The following SAMD8 variants were observed in gnomAD, a reference collection of about 807,000 sequenced individuals.
SAMD8 encodes the protein sphingomyelin synthase-related protein 1.
Under a neutral mutation model 42.0 loss-of-function variants are expected in SAMD8, and 20 were observed. That is an observed-to-expected ratio of 0.48 (90% confidence interval 0.34 to 0.69). SAMD8 has a LOEUF of 0.69. SAMD8 is among the 30% of genes least tolerant of loss of function. SAMD8 has a pLI of 0.01. For synonymous variants in SAMD8, 162 were observed against 173.0 expected, an observed-to-expected ratio of 0.94 and a Z score of 0.50; for missense variants, 328 against 511.6, an observed-to-expected ratio of 0.64 and a Z score of 3.46.
chr10:75,145,523 G>A (rs1469433951), intron 1 of SAMD8, among the ~76,000 whole-genome samples: 1 of 152,174 alleles, frequency 6.6e-6, no homozygotes, highest in Non-Finnish European at 1.5e-5. Flanking sequence ...TTTGTGGGAT[G>A]CTGTTCAACT....
chr10:75,168,973 C>G (rs987401335), intron 4 of SAMD8, among the ~76,000 whole-genome samples: 1 of 150,284 alleles, frequency 6.7e-6, no homozygotes, highest in Non-Finnish European at 1.5e-5. Flanking sequence ...AAGTTCAAGA[C>G]CAGCTGGGCC....
chr10:75,137,678 A>G (rs1209849140), intron 1 of SAMD8, among the ~76,000 whole-genome samples: 1 of 152,190 alleles, frequency 6.6e-6, no homozygotes, highest in Non-Finnish European at 1.5e-5. Flanking sequence ...GAAATTCATA[A>G]CAACAGAATA....
chr10:75,123,149 T>G (rs960976368), intron 1 of SAMD8, among the ~76,000 whole-genome samples: 15 of 147,006 alleles, frequency 1.0e-4, no homozygotes, highest in Admixed American at 2.8e-4. Flanking sequence ...TCATGCTTGC[T>G]TCCCACCCCA....
chr10:75,154,947 T>C (rs1014530201), intron 2 of SAMD8, among the ~76,000 whole-genome samples: 2 of 152,110 alleles, frequency 1.3e-5, no homozygotes, highest in Non-Finnish European at 2.9e-5. Flanking sequence ...GGCTGGAGTT[T>C]AGTGGTGCAT....
chr10:75,125,039 C>T lies in SAMD8; in HGVS notation c.-16+13317C>T, dbSNP rs560158023. Among the ~76,000 whole-genome samples, 5 of 152,194 alleles carry T rather than the reference C, an allele frequency of 3.3e-5. No individual in the cohort carries two copies. The South Asian group carries it at 1.0e-3, about 32-fold the overall frequency. On this transcript the variant is annotated intron_variant, in intron 1 of 5. Transcript: ENST00000542569. Reference sequence around the variant, plus strand: ...TGGCCTCAAGTGATCCTCCCGCCTCCAGCTACCAGAGTGCTAGGATTATAG... The same window carrying T: ...TGGCCTCAAGTGATCCTCCCGCCTCTAGCTACCAGAGTGCTAGGATTATAG...
Position 75,145,749 on chromosome 10 carries a change from A to G in SAMD8, c.-15-4765A>G, listed in dbSNP as rs74146291. On this transcript the variant is annotated intron_variant, in intron 1 of 5. Coordinates refer to ENST00000542569, the MANE Select transcript of SAMD8 (RefSeq NM_001174156.2). Reference sequence around the variant, plus strand: ...GTAACAACCAAAAATGTCTTCAGACATTGCCAAATGTTCCAGGAAGTGGGG... The same window carrying G: ...GTAACAACCAAAAATGTCTTCAGACGTTGCCAAATGTTCCAGGAAGTGGGG... 9.3e-3 allele frequency among the ~76,000 whole-genome samples: 1,415 copies of G among 152,306 alleles called. 18 individuals are homozygous for G. Among genetic ancestry groups the G allele is most frequent in the African/African-American group, 0.032 (1,318 of 41,560 alleles).
Position 75,176,186 on chromosome 10 carries a change from C to G in SAMD8, c.913C>G (p.Leu305Val). The G allele has an allele frequency of 6.2e-7, 1 of 1,614,164 alleles. No individual in the cohort carries two copies. The highest frequency in any genetic ancestry group is 1.1e-5 in the South Asian group (1 of 91,084). ...CATGTTTAGTGGCCACACAGTCGTC[C>G]TAACTATGCTGAATTTCTTTGTCAC... ...DYMFSGHTVV[L>V]TMLNFFVTEY... is the part of the protein sequence containing the mutation. The change falls in exon 5 of 6, where the codon CTA becomes GTA. Residue 305 changes from leucine to valine, a missense_variant. By Grantham distance (32) the Leu-to-Val change is conservative. This residue lies in a region of SAMD8 where 178 missense variants were observed against 325.6 expected (regional missense o/e 0.55). Coordinates refer to ENST00000542569, the MANE Select transcript of SAMD8 (RefSeq NM_001174156.2). This position sits in a 1 kb window ranked among gnomAD's most constrained non-coding sequence, Gnocchi z 4.3.
At chr10:75,100,874 G>C (rs575263467) in intron 1 of SAMD8, among the ~76,000 whole-genome samples, 1 of 152,356 alleles carries the variant, frequency 6.6e-6, no homozygotes, top group East Asian at 1.9e-4. Flanking sequence ...CTCCCATGAC[G>C]CTGCTCTGTG....
In SAMD8 at chr10:75,111,674, G is replaced by A. The variant is rs372691419; in HGVS notation, c.-64G>A. The A allele has an allele frequency of 7.3e-6, 9 of 1,239,326 alleles. No homozygotes were observed. Among genetic ancestry groups the A allele is most frequent in the Non-Finnish European group, 8.1e-6 (8 of 991,990 alleles). 76.8% of individuals were successfully genotyped at this position (1,239,326 alleles called of 1,614,324 possible). A position where few individuals can be genotyped will look rare whatever the true frequency, so the allele number is the denominator to read the frequency against. Reference sequence around the variant, plus strand: ...GGGCCCCGGACTCCGACGGCGGCTCGGACGCCGACTCGGAGGTGGGTCCGG... The same window carrying A: ...GGGCCCCGGACTCCGACGGCGGCTCAGACGCCGACTCGGAGGTGGGTCCGG... On this transcript the variant is annotated 5_prime_UTR_variant, in exon 1 of 6. Coordinates refer to ENST00000542569, the MANE Select transcript of SAMD8 (RefSeq NM_001174156.2).
intron 2 of SAMD8, among the ~76,000 whole-genome samples, chr10:75,160,223 G>C (rs1840524455): frequency 6.6e-6 from 1 of 151,918 alleles, no homozygotes; most frequent in East Asian, 1.9e-4. Flanking sequence ...TTGAGACAGA[G>C]TCTTGCTCTG....
intron 1 of SAMD8, among the ~76,000 whole-genome samples, chr10:75,140,857 C>T (rs1001668900): frequency 1.3e-5 from 2 of 152,144 alleles, no homozygotes; most frequent in African/African-American, 4.8e-5. Flanking sequence ...GTCCTCTTAA[C>T]AGTATTGATT....
intron 1 of SAMD8, among the ~76,000 whole-genome samples, chr10:75,123,275 T>C (rs771321457): frequency 2.6e-5 from 4 of 151,358 alleles, no homozygotes; most frequent in African/African-American, 4.9e-5. Context: ...ACCTCCGATA[T>C]ACCACTGAGT....
intron 1 of SAMD8, among the ~76,000 whole-genome samples, chr10:75,116,391 T>C (rs1348350623): frequency 6.6e-6 from 1 of 151,870 alleles, no homozygotes; most frequent in Non-Finnish European, 1.5e-5. Context: ...CAGGTGTGAG[T>C]GTCTTAAATT....
intron 1 of SAMD8, among the ~76,000 whole-genome samples, chr10:75,112,243 T>C (rs1208651257): frequency 6.6e-6 from 1 of 152,116 alleles, no homozygotes; most frequent in African/African-American, 2.4e-5. Context: ...CTGGTGGTGA[T>C]GGAGGGCAGG....
intron 3 of SAMD8, among the ~76,000 whole-genome samples, 175 bp downstream of exon 3, chr10:75,164,915 C>CT (rs1205022088): frequency 1.3e-5 from 2 of 152,198 alleles, no homozygotes; most frequent in Non-Finnish European, 2.9e-5. Flanking sequence ...AAGATAATAT[C>CT]TACATATTTA....
chr10:75,164,442 A>C, intron 2 of SAMD8: 3 of 907,934 alleles, frequency 3.3e-6, no homozygotes, highest in Non-Finnish European at 3.9e-6. Flanking sequence ...CTGGGAATCA[A>C]TGGACAAGAA....
At chr10:75,173,150 T>C (rs891598717) in intron 4 of SAMD8, among the ~76,000 whole-genome samples, 7 of 152,210 alleles carry the variant, frequency 4.6e-5, no homozygotes, top group African/African-American at 1.7e-4. Context: ...GTTGGTTATA[T>C]ATAGATATTT....
intron 1 of SAMD8, chr10:75,103,878 G>C (rs1278981016): frequency 1.5e-6 from 2 of 1,299,454 alleles, no homozygotes; most frequent in South Asian, 2.5e-5. Context: ...TGGCTGAGAG[G>C]GGAGCCCACT....
intron 1 of SAMD8, among the ~76,000 whole-genome samples, chr10:75,126,980 C>T (rs1022196535): frequency 7.2e-5 from 11 of 151,942 alleles, no homozygotes; most frequent in African/African-American, 2.4e-4. Flanking sequence ...CTGAGGTCAA[C>T]GGTTCGAGAC....
Sources: gnomAD v4.1 joint callset for allele counts (sites outside exome capture counted in the v4.1 genomes callset) on GRCh38, gnomAD v4.1.1 for gene constraint, gnomAD v4.1.1 regional missense constraint, Gnocchi (gnomAD v3.1) non-coding constraint, MANE v1.5 for transcripts, NCBI Gene and HGNC (gene_info 2026-07-23, HGNC 2026-07-21) for gene names.